TTC39A: variants seen among roughly 807,000 people sequenced by gnomAD.
The protein encoded by TTC39A is tetratricopeptide repeat protein 39A.
In TTC39A, 46 loss-of-function variants were observed where a neutral mutation model predicts 82.3. The ratio of observed to expected loss-of-function variants is 0.56; its 90% confidence interval spans 0.44 to 0.71. The LOEUF (loss-of-function observed/expected upper bound fraction) is 0.71, where lower values mean the gene tolerates loss of function less well. TTC39A is among the 30% of genes least tolerant of loss of function. The probability of loss-of-function intolerance (pLI) is 0.00; values close to 1 mark genes in which losing one functional copy is unlikely to be tolerated. For missense variants in TTC39A, 543 were observed against 712.9 expected, an observed-to-expected ratio of 0.76 and a Z score of 2.71; for synonymous variants, 254 against 275.2, an observed-to-expected ratio of 0.92 and a Z score of 0.76.
At chr1:51,336,789 T>C (rs991454614) in intron 1 of TTC39A, among the ~76,000 whole-genome samples, 2 of 152,196 alleles carry the variant, frequency 1.3e-5, no homozygotes, top group African/African-American at 4.8e-5. Context: ...GGGATGATGA[T>C]GGCACCAACC....
intron 5 of TTC39A, among the ~76,000 whole-genome samples, chr1:51,310,590 T>C (rs1645045936): frequency 6.6e-6 from 1 of 152,162 alleles, no homozygotes; most frequent in African/African-American, 2.4e-5. Context: ...AATACACATA[T>C]ATAATGATGA....
At chr1:51,295,747 AGAGT>A (rs1244664196) in intron 13 of TTC39A, 5 of 372,808 alleles carry the variant, frequency 1.3e-5, no homozygotes, top group African/African-American at 1.0e-4. Flanking sequence ...TTAACTCAGC[AGAGT>A]GAAAGACCTT....
intron 15 of TTC39A, 130 bp from the exon 16 acceptor site, chr1:51,290,249 G>C: frequency 1.2e-6 from 1 of 839,792 alleles, no homozygotes; most frequent in Non-Finnish European, 1.9e-6. Context: ...CCTCAGCAGG[G>C]GTCACATCTA....
At chr1:51,322,063 T>G in intron 1 of TTC39A, 6 of 1,537,164 alleles carry the variant, frequency 3.9e-6, no homozygotes, top group Admixed American at 2.0e-5. Flanking sequence ...CTGTTGGAGG[T>G]GGGGGAGGGG....
intron 5 of TTC39A, among the ~76,000 whole-genome samples, chr1:51,309,636 T>C (rs1645011166): frequency 1.3e-5 from 2 of 151,996 alleles, no homozygotes; most frequent in Admixed American, 1.3e-4. Context: ...ATGCTTGTTT[T>C]TGGATTATTT....
At chr1:51,315,394 G>A (rs768807751) in intron 2 of TTC39A, among the ~76,000 whole-genome samples, 74 of 152,144 alleles carry the variant, frequency 4.9e-4, no homozygotes, top group Non-Finnish European at 9.7e-4. Context: ...TATCATCTAG[G>A]CCGCTAGTCC....
intron 1 of TTC39A, among the ~76,000 whole-genome samples, chr1:51,322,977 A>G (rs1645584079): frequency 6.6e-6 from 1 of 152,122 alleles, no homozygotes; most frequent in South Asian, 2.1e-4. Flanking sequence ...CATTCTCCCA[A>G]TCTGTTCTCC....
chr1:51,330,601 G>T, upstream of TTC39A: 3 of 983,104 alleles, frequency 3.1e-6, no homozygotes, highest in Non-Finnish European at 2.4e-6. The surrounding 1 kb of genome is among the most constrained non-coding windows in gnomAD (Gnocchi z 4.5). Flanking sequence ...GGCGCGCCGG[G>T]GGCGGGGAAG....
intron 2 of TTC39A, among the ~76,000 whole-genome samples, chr1:51,315,539 T>C (rs12134299): frequency 0.33 from 49,606 of 152,000 alleles, 9,311 homozygotes; most frequent in African/African-American, 0.53. Flanking sequence ...AGTCTCTTCC[T>C]CTTCGTGCTC....
intron 14 of TTC39A, among the ~76,000 whole-genome samples, chr1:51,291,178 TC>T (rs1440100249): frequency 1.3e-5 from 2 of 152,212 alleles, no homozygotes; most frequent in African/African-American, 4.8e-5. Context: ...TTTCTTAGAT[TC>T]TTTTTTTTTA....
intron 1 of TTC39A, among the ~76,000 whole-genome samples, chr1:51,340,152 T>G (rs889556314): frequency 1.3e-5 from 2 of 152,212 alleles, no homozygotes; most frequent in Admixed American, 1.3e-4. Context: ...ACATTTCTGT[T>G]GTTTATAAGC....
chr1:51,310,970 C>T (rs997295365), intron 5 of TTC39A, among the ~76,000 whole-genome samples: 3 of 152,186 alleles, frequency 2.0e-5, no homozygotes, highest in African/African-American at 7.2e-5. Flanking sequence ...TGCCTATCAC[C>T]CCCATATGAC....
chr1:51,302,934 C>T (rs1327759888), intron 9 of TTC39A, 150 bp downstream of exon 9: 1 of 718,082 alleles, frequency 1.4e-6, no homozygotes, highest in Non-Finnish European at 2.3e-6. Context: ...GTCAGCAGGC[C>T]AGTCCCCAGG....
At chr1:51,322,498 C>G (rs1426853707) in intron 1 of TTC39A, among the ~76,000 whole-genome samples, 1 of 152,136 alleles carries the variant, frequency 6.6e-6, no homozygotes, top group East Asian at 1.9e-4. Flanking sequence ...TTCCAGGAAG[C>G]AAGAATCTTT....
chr1:51,304,069 A>G (rs1451455803), intron 8 of TTC39A, among the ~76,000 whole-genome samples: 3 of 152,096 alleles, frequency 2.0e-5, no homozygotes, highest in African/African-American at 7.2e-5. Context: ...GCCCAGGAGA[A>G]ATCCCCAGTC....
chr1:51,305,165 TC>T lies in TTC39A; in HGVS notation c.589-20del, dbSNP rs1644823119. 1 of 1,612,546 alleles carries T rather than the reference TC, an allele frequency of 6.2e-7. No homozygotes were observed. The highest frequency in any genetic ancestry group is 1.7e-5 in the Admixed American group (1 of 59,972). On this transcript the variant is annotated intron_variant, in intron 7 of 17. Coordinates refer to ENST00000680483, the MANE Select transcript of TTC39A (RefSeq NM_001297663.2). ...ACAGTGTCTGCAAGAAAGGAGGCAA[TC>T]AAGCCTGTGAAGGTACCCAGAGTGG... is the stretch of plus-strand genomic sequence containing the variant.
chr1:51,330,077 T>C lies in TTC39A; in HGVS notation c.41+360A>G, dbSNP rs1327058876. The C allele has an allele frequency of 3.2e-6, 3 of 941,078 alleles. No homozygotes were observed. Among genetic ancestry groups the C allele is most frequent in the Non-Finnish European group, 2.5e-6 (2 of 789,430 alleles). 58.3% of individuals were successfully genotyped at this position (941,078 alleles called of 1,614,324 possible). A position where few individuals can be genotyped will look rare whatever the true frequency, so the allele number is the denominator to read the frequency against. On this transcript the variant is annotated intron_variant, in intron 1 of 17. Transcript: ENST00000680483. This position sits in a 1 kb window ranked among gnomAD's most constrained non-coding sequence, Gnocchi z 4.5. ...GATGACAAGTCACTTAAGTGCTGTG[T>C]CTCAGTTTCCTCATCTGTAATGGGG...
At chr1:51,344,607 T>C (rs1646074577) in intron 1 of TTC39A, among the ~76,000 whole-genome samples, 2 of 152,178 alleles carry the variant, frequency 1.3e-5, no homozygotes, top group Non-Finnish European at 2.9e-5. Flanking sequence ...TGCCCACACT[T>C]GGCTCATGCA....
At chr1:51,293,895 A>G (rs1344394422) in intron 14 of TTC39A, among the ~76,000 whole-genome samples, 2 of 152,200 alleles carry the variant, frequency 1.3e-5, no homozygotes, top group Non-Finnish European at 2.9e-5. Flanking sequence ...AGCAGCGCCT[A>G]CTCAGAGGGT....
Sources: gnomAD v4.1 joint callset for allele counts (sites outside exome capture counted in the v4.1 genomes callset) on GRCh38, gnomAD v4.1.1 for gene constraint, Gnocchi (gnomAD v3.1) non-coding constraint, MANE v1.5 for transcripts, NCBI Gene and HGNC (gene_info 2026-07-23, HGNC 2026-07-21) for gene names.